Variants in WWP1 observed in about 807,000 individuals in gnomAD.
WWP1 encodes the protein WW domain containing E3 ubiquitin protein ligase 1.
WWP1 carries 49 observed loss-of-function variants against 130.6 expected under a neutral mutation model. That is an observed-to-expected ratio of 0.38 (90% confidence interval 0.30 to 0.48). WWP1 has a LOEUF of 0.48. Ranked by LOEUF, WWP1 falls within the 20% of genes least tolerant of loss-of-function variation. WWP1 has a pLI of 0.99. For missense variants in WWP1, 809 were observed against 1,100.6 expected (o/e 0.74, Z 3.75); for synonymous variants, 332 against 367.8 (o/e 0.90, Z 1.11).
intron 1 of WWP1, among the ~76,000 whole-genome samples, chr8:86,363,980 T>C (rs1456669531): frequency 6.6e-6 from 1 of 152,164 alleles, no homozygotes; most frequent in Non-Finnish European, 1.5e-5. Flanking sequence ...ATTGTAACTT[T>C]TCTCATTAAT....
intron 1 of WWP1, among the ~76,000 whole-genome samples, chr8:86,357,129 A>G (rs1823308980): frequency 6.6e-6 from 1 of 152,222 alleles, no homozygotes; most frequent in Non-Finnish European, 1.5e-5. Context: ...TTCATGAAAT[A>G]TGCACTATTT....
intron 1 of WWP1, among the ~76,000 whole-genome samples, chr8:86,343,631 C>G (rs1822376161): frequency 6.6e-6 from 1 of 152,114 alleles, no homozygotes; most frequent in Admixed American, 6.5e-5. Context: ...ACAGTCCTTT[C>G]TTTGCTCTGC....
Position 86,376,296 on chromosome 8 carries a change from C to T in WWP1, c.70+2176C>T, listed in dbSNP as rs569559245. Reference sequence around the variant, plus strand: ...AAATAAGAAAAAACTAGGCCAGGCGCGGTGGCTCATGCCTGTAATCCCAGC... The same window carrying T: ...AAATAAGAAAAAACTAGGCCAGGCGTGGTGGCTCATGCCTGTAATCCCAGC... On this transcript the variant is annotated intron_variant, in intron 3 of 24. Transcript: ENST00000517970. Among the ~76,000 whole-genome samples, 47 of 152,232 alleles carry T rather than the reference C, an allele frequency of 3.1e-4. 1 individual carries two copies. In the South Asian group the frequency reaches 6.0e-3, roughly 19 times the overall value.
intron 21 of WWP1, among the ~76,000 whole-genome samples, chr8:86,453,923 G>A (rs1243408164): frequency 6.6e-6 from 1 of 152,222 alleles, no homozygotes. Flanking sequence ...TATTTTAACT[G>A]CAGCCATCTT....
Position 86,432,403 on chromosome 8 carries a change from G to A in WWP1, c.1601+660G>A, listed in dbSNP as rs79241239. On this transcript the variant is annotated intron_variant, in intron 14 of 24. Coordinates refer to ENST00000517970, the MANE Select transcript of WWP1 (RefSeq NM_007013.4). ...CTGTCATTGTTATTATCAAAGTCTCGTCCCTCTGCTGGTACATTCGATTCC... is the reference window on the plus strand; with the variant it reads ...CTGTCATTGTTATTATCAAAGTCTCATCCCTCTGCTGGTACATTCGATTCC... 2.4e-3 allele frequency among the ~76,000 whole-genome samples: 357 copies of A among 151,746 alleles called. 2 individuals are homozygous for A. The highest frequency in any genetic ancestry group is 8.1e-3 in the African/African-American group (334 of 41,370).
chr8:86,379,478 A>T (rs543678868), intron 3 of WWP1, among the ~76,000 whole-genome samples: 6 of 152,258 alleles, frequency 3.9e-5, no homozygotes, highest in African/African-American at 1.4e-4. Flanking sequence ...GGTGTGTATG[A>T]CATGAAAGAG....
At chr8:86,430,591 T>C in intron 11 of WWP1, 106 bp from the exon 12 acceptor site, 3 of 933,462 alleles carry the variant, frequency 3.2e-6, no homozygotes, top group Non-Finnish European at 4.5e-6. Context: ...ATCATATTTT[T>C]AGAAAATTAT....
chr8:86,384,116 T>C (rs2130382722), intron 5 of WWP1, among the ~76,000 whole-genome samples: 1 of 152,286 alleles, frequency 6.6e-6, no homozygotes, highest in East Asian at 1.9e-4. Flanking sequence ...AAATTTCCCC[T>C]TATCAGGACA....
intron 19 of WWP1, 23 bp downstream of exon 19, chr8:86,448,304 T>C (rs1810993976): frequency 3.8e-6 from 6 of 1,586,444 alleles, no homozygotes; most frequent in Non-Finnish European, 5.1e-6. Flanking sequence ...TGTTTTGCAA[T>C]AAGTCATTTT....
intron 1 of WWP1, among the ~76,000 whole-genome samples, chr8:86,362,425 A>G (rs6471296): frequency 0.57 from 86,494 of 151,156 alleles, 27,151 homozygotes; most frequent in Non-Finnish European, 0.72. Context: ...AAGTAGGTGT[A>G]AGGTGGCCAC....
intron 2 of WWP1, among the ~76,000 whole-genome samples, chr8:86,372,503 C>T (rs1405398641): frequency 6.6e-6 from 1 of 152,182 alleles, no homozygotes; most frequent in Non-Finnish European, 1.5e-5. Context: ...TCCTTCCATC[C>T]TGAGAGGACA....
Position 86,421,504 on chromosome 8 carries a change from T to TGG in WWP1, c.1062-3713_1062-3712dup, listed in dbSNP as rs113700152. Among the ~76,000 whole-genome samples, 36 of 151,624 alleles carry TGG rather than the reference T, an allele frequency of 2.4e-4. No homozygotes were observed. In the South Asian group the frequency reaches 3.1e-3, roughly 13 times the overall value. On this transcript the variant is annotated intron_variant, in intron 9 of 24. Coordinates refer to ENST00000517970, the MANE Select transcript of WWP1 (RefSeq NM_007013.4). ...AAATAAATTTAATTGGGTTCTTTTT[T>TGG]GGGGGGGTTCTCCCAGATTGATTTA...
At chr8:86,421,013 G>A (rs935811051) in intron 9 of WWP1, among the ~76,000 whole-genome samples, 1 of 152,158 alleles carries the variant, frequency 6.6e-6, no homozygotes, top group Non-Finnish European at 1.5e-5. Context: ...TGGTAGTTAA[G>A]CTTTCATACA....
intron 20 of WWP1, among the ~76,000 whole-genome samples, chr8:86,449,223 C>T (rs1306767253): frequency 6.6e-6 from 1 of 152,202 alleles, no homozygotes; most frequent in African/African-American, 2.4e-5. Context: ...ACCTGCTTCT[C>T]TAAATATTCT....
At chr8:86,362,063 C>CATATATATATACACATATATACACACAT (rs35467457) in intron 1 of WWP1, among the ~76,000 whole-genome samples, 17,275 of 131,738 alleles carry the variant, frequency 0.13, 1,673 homozygotes, top group Non-Finnish European at 0.17. Context: ...TATATACACA[C>CATATATATATACACATATATACACACAT]ATATATATAC....
At position 86,448,416 on chromosome 8, in the gene WWP1, G is replaced by A. The variant is rs144129917; in HGVS notation, c.2176G>A (p.Val726Ile). The stretch of plus-strand genomic sequence containing the variant: ...ATGTGGCTTAGAAATGTACTTTTCT[G>A]TTGACATGGAGATTTTGGGAAAAGT... ...EECGLEMYFS[V>I]DMEILGKVTS... Residue 726 changes from valine to isoleucine, a missense_variant, in exon 20 of 25, where the codon GTT becomes ATT. Val to Ile is a conservative substitution (Grantham distance 29). This residue lies in a region of WWP1 where 450 missense variants were observed against 674.2 expected (regional missense o/e 0.67). Coordinates refer to ENST00000517970, the MANE Select transcript of WWP1 (RefSeq NM_007013.4). 77 of 1,613,570 alleles carry A rather than the reference G, an allele frequency of 4.8e-5. No individual in the cohort carries two copies. The Admixed American group carries it at 5.3e-4, about 11-fold the overall frequency.
At chr8:86,452,037 C>G (rs1272587159) in intron 20 of WWP1, among the ~76,000 whole-genome samples, 3 of 152,130 alleles carry the variant, frequency 2.0e-5, no homozygotes, top group African/African-American at 7.2e-5. Context: ...GACCATAAAC[C>G]TACACCAGCA....
chr8:86,396,412 T>TTG (rs555400910), intron 5 of WWP1, among the ~76,000 whole-genome samples: 1 of 151,998 alleles, frequency 6.6e-6, no homozygotes, highest in African/African-American at 2.4e-5. Flanking sequence ...TTTGTAGTTT[T>TTG]TGTGTGTGTG....
In WWP1 at chr8:86,466,824, G is replaced by C; in HGVS notation, c.2700G>C (p.Lys900Asn). 6.2e-7 allele frequency: 1 copy of C among 1,603,696 alleles called. No homozygotes were observed. Among genetic ancestry groups the C allele is most frequent in the Non-Finnish European group, 8.5e-7 (1 of 1,177,394 alleles). Residue 900 changes from lysine to asparagine, a missense_variant, in exon 25 of 25, where the codon AAG (lysine) becomes AAC (asparagine). By Grantham distance (94) the Lys-to-Asn change is moderately conservative (BLOSUM62 0). Coordinates refer to ENST00000517970, the MANE Select transcript of WWP1 (RefSeq NM_007013.4). ...ATCGCTTGGATCTACCACCATATAA[G>C]AGTTATGAACAACTAAAGGAAAAAC... ...CFNRLDLPPY[K>N]SYEQLKEKLL...
Sources: allele counts gnomAD v4.1 joint callset (sites outside exome capture counted in the v4.1 genomes callset), GRCh38; gene constraint gnomAD v4.1.1; regional missense constraint gnomAD v4.1.1; transcripts MANE v1.5; gene names NCBI Gene and HGNC (gene_info 2026-07-23, HGNC 2026-07-21).